The following EXOC4 variants were observed in gnomAD, a reference collection of about 807,000 sequenced individuals.
The protein encoded by EXOC4 is SEC8-like 1.
Under a neutral mutation model 107.2 loss-of-function variants are expected in EXOC4, and 71 were observed. That is an observed-to-expected ratio of 0.66 (90% CI 0.55 to 0.81). The LOEUF is 0.81. Among genes scored for constraint, EXOC4 ranks in the 30% least tolerant of loss-of-function variants. EXOC4 has a pLI of 0.00. For missense variants in EXOC4, 1,108 were observed against 1,189.6 expected, an observed-to-expected ratio of 0.93 and a Z score of 1.01; for synonymous variants, 456 against 441.2, an observed-to-expected ratio of 1.03 and a Z score of -0.42.
chr7:133,758,959 T>C (rs1181476936), intron 10 of EXOC4, among the ~76,000 whole-genome samples: 1 of 152,030 alleles, frequency 6.6e-6, no homozygotes, highest in Non-Finnish European at 1.5e-5. Context: ...AATGCTGAAA[T>C]TTTGAGGTGT....
chr7:133,387,918 G>C (rs1317396917), intron 7 of EXOC4, among the ~76,000 whole-genome samples: 6 of 151,752 alleles, frequency 4.0e-5, no homozygotes, highest in Non-Finnish European at 8.8e-5. Context: ...ACACAGTTAA[G>C]TATAAATGTA....
chr7:133,499,858 G>T (rs915252342), intron 9 of EXOC4, among the ~76,000 whole-genome samples: 1 of 152,062 alleles, frequency 6.6e-6, no homozygotes, highest in Non-Finnish European at 1.5e-5. Flanking sequence ...AGCAGAAGCC[G>T]CTATGCTTCC....
chr7:133,709,645 C>CTTTTT (rs147956984), intron 10 of EXOC4, among the ~76,000 whole-genome samples: 6 of 118,144 alleles, frequency 5.1e-5, no homozygotes, highest in African/African-American at 9.7e-5. Context: ...AATCTGTTTT[C>CTTTTT]TTTTTTTTTT....
chr7:133,312,499 C>T (rs571249000), intron 4 of EXOC4, among the ~76,000 whole-genome samples: 6 of 151,986 alleles, frequency 3.9e-5, no homozygotes, highest in Non-Finnish European at 7.4e-5. Flanking sequence ...ACATCATGAG[C>T]ATGTTTTTTA....
chr7:134,040,047 C>T (rs1585344011), intron 17 of EXOC4, among the ~76,000 whole-genome samples: 1 of 152,172 alleles, frequency 6.6e-6, no homozygotes, highest in Admixed American at 6.5e-5. Context: ...GTCCTGTCAG[C>T]CCTTCATATC....
intron 9 of EXOC4, among the ~76,000 whole-genome samples, chr7:133,525,223 C>CA (rs1299412704): frequency 1.3e-5 from 2 of 152,154 alleles, no homozygotes; most frequent in Non-Finnish European, 2.9e-5. Context: ...TTATTAATAT[C>CA]ACTGAGCTGC....
At chr7:134,072,321 A>T in the EXOC4 span, among the ~76,000 whole-genome samples, 1 of 152,246 alleles carries the variant, frequency 6.6e-6, no homozygotes, top group East Asian at 1.9e-4. Flanking sequence ...AATGTAAGTT[A>T]TACATGAAAA....
intron 9 of EXOC4, among the ~76,000 whole-genome samples, chr7:133,599,465 C>G (rs1801756211): frequency 6.6e-6 from 1 of 152,188 alleles, no homozygotes; most frequent in African/African-American, 2.4e-5. Flanking sequence ...TCCCCTTAAC[C>G]CTGCCTCTGC....
chr7:133,305,455 G>C (rs897339689), intron 3 of EXOC4, among the ~76,000 whole-genome samples: 1 of 152,166 alleles, frequency 6.6e-6, no homozygotes, highest in African/African-American at 2.4e-5. Flanking sequence ...GTGAGAACAA[G>C]TTCTTTTTAA....
intron 17 of EXOC4, among the ~76,000 whole-genome samples, chr7:134,049,132 A>T (rs1585351468): frequency 1.3e-5 from 2 of 152,236 alleles, no homozygotes; most frequent in East Asian, 3.8e-4. Context: ...ATAATGACTA[A>T]AAGTTTCTGA....
intron 5 of EXOC4, among the ~76,000 whole-genome samples, chr7:133,332,193 T>G (rs1795410049): frequency 6.6e-6 from 1 of 152,236 alleles, no homozygotes; most frequent in Non-Finnish European, 1.5e-5. Context: ...GAAACTGGAC[T>G]TCTTAGTTCT....
chr7:133,505,483 A>G (rs923279654), intron 9 of EXOC4, among the ~76,000 whole-genome samples: 27 of 152,156 alleles, frequency 1.8e-4, no homozygotes, highest in Admixed American at 1.2e-3. Context: ...TTGGTTAACT[A>G]TGACATCCTG....
chr7:133,627,269 A>G (rs1275356233), intron 9 of EXOC4, among the ~76,000 whole-genome samples: 3 of 152,214 alleles, frequency 2.0e-5, no homozygotes, highest in Non-Finnish European at 4.4e-5. Context: ...TCCAGATGGT[A>G]GCGCAGTGTG....
intron 6 of EXOC4, among the ~76,000 whole-genome samples, chr7:133,364,491 G>A (rs1274106834): frequency 6.6e-6 from 1 of 151,948 alleles, no homozygotes; most frequent in African/African-American, 2.4e-5. Context: ...GTCATTTAGT[G>A]GAAGTTATTA....
rs576817483 is a variant in EXOC4, at chr7:133,460,259, C to T, written c.1183-15069C>T. On this transcript the variant is annotated intron_variant, in intron 7 of 17. Transcript: ENST00000253861. Reference sequence around the variant, plus strand: ...TCCTGTGAAAATCTAATGCTGCTGACGGGAGGTGGAGCTCAGGTGATAATG... The same window carrying T: ...TCCTGTGAAAATCTAATGCTGCTGATGGGAGGTGGAGCTCAGGTGATAATG... Among the ~76,000 whole-genome samples, 22 of 152,276 alleles carry T rather than the reference C, an allele frequency of 1.4e-4. No homozygotes were observed. The East Asian group carries it at 1.5e-3, about 11-fold the overall frequency.
intron 12 of EXOC4, among the ~76,000 whole-genome samples, chr7:133,899,157 A>G (rs1018664279): frequency 3.3e-5 from 5 of 152,034 alleles, no homozygotes; most frequent in Admixed American, 2.6e-4. Context: ...TGGGCACCCA[A>G]TAACTTTCTT....
chr7:133,536,608 C>T (rs960509994), intron 9 of EXOC4, among the ~76,000 whole-genome samples: 1 of 151,466 alleles, frequency 6.6e-6, no homozygotes, highest in Non-Finnish European at 1.5e-5. Flanking sequence ...TGACAGGCTT[C>T]CTTTATCCTG....
intron 7 of EXOC4, among the ~76,000 whole-genome samples, chr7:133,412,278 G>GTTTTTTTTTTTTTTTTTTTTTTT (rs35334259): frequency 8.4e-5 from 6 of 71,482 alleles, no homozygotes; most frequent in Non-Finnish European, 1.2e-4. Context: ...TCAGAATTCA[G>GTTTTTTTTTTTTTTTTTTTTTTT]TTTTTTTTTT....
chr7:134,086,570 G>T, the EXOC4 span, among the ~76,000 whole-genome samples: 2 of 152,156 alleles, frequency 1.3e-5, no homozygotes, highest in Non-Finnish European at 2.9e-5. Context: ...ACCCATCACA[G>T]GGAAAGGCCT....
Sources: gnomAD v4.1 joint callset for allele counts (sites outside exome capture counted in the v4.1 genomes callset) on GRCh38, gnomAD v4.1.1 for gene constraint, MANE v1.5 for transcripts, NCBI Gene and HGNC (gene_info 2026-07-23, HGNC 2026-07-21) for gene names.